The following GLE1 variants were observed in gnomAD, a reference collection of about 807,000 sequenced individuals.
GLE1 encodes GLE1 RNA export mediator.
In GLE1, 78 loss-of-function variants were observed where a neutral mutation model predicts 97.3. That is an observed-to-expected ratio of 0.80 (90% CI 0.67 to 0.97). The LOEUF is 0.97. Among genes scored for constraint, GLE1 ranks in the 50% least tolerant of loss-of-function variants. GLE1 has a pLI of 0.00. For synonymous variants in GLE1, 302 were observed against 313.4 expected (o/e 0.96, Z 0.39); for missense variants, 753 against 857.5 (o/e 0.88, Z 1.52).
rs1452598737 is a variant in GLE1 at position 128,536,489 on chromosome 9, G to A, written c.1776+5G>A. 1.2e-6 allele frequency: 2 copies of A among 1,612,474 alleles called. No homozygotes were observed. The highest frequency in any genetic ancestry group is 1.7e-6 in the Non-Finnish European group (2 of 1,178,580). ...CCATATGGAAACCGACAGGAGGTAG[G>A]TAAAAGAGGCTTACTGTCAATAATG... On this transcript the variant is annotated splice_donor_5th_base_variant and intron_variant, in intron 12 of 15. Coordinates refer to ENST00000309971, the MANE Select transcript of GLE1 (RefSeq NM_001003722.2).
intron 2 of GLE1, among the ~76,000 whole-genome samples, chr9:128,515,045 T>C (rs1267957721): frequency 1.3e-5 from 2 of 152,152 alleles, no homozygotes; most frequent in Admixed American, 6.5e-5. Flanking sequence ...GGTCTCGAAC[T>C]CCTGACTTTG....
At chr9:128,540,140 CA>C (rs1847841926) in intron 14 of GLE1, 134 bp from the exon 15 acceptor site, 1 of 727,398 alleles carries the variant, frequency 1.4e-6, no homozygotes, top group African/African-American at 1.7e-5. Flanking sequence ...CGCTTGAGCC[CA>C]AGAGTTCAAG....
chr9:128,523,981 C>A, intron 6 of GLE1, 135 bp downstream of exon 6: 1 of 793,046 alleles, frequency 1.3e-6, no homozygotes, highest in South Asian at 1.6e-5. Context: ...TTGTTATCTC[C>A]ATATCTCTTT....
chr9:128,536,589 A>G, intron 12 of GLE1, 105 bp downstream of exon 12: 1 of 1,032,978 alleles, frequency 9.7e-7, no homozygotes, highest in Non-Finnish European at 1.5e-6. Flanking sequence ...CAGTCTAGTT[A>G]AAGGATAAAC....
intron 3 of GLE1, among the ~76,000 whole-genome samples, chr9:128,521,321 A>T (rs974017152): frequency 2.6e-5 from 4 of 152,040 alleles, no homozygotes; most frequent in African/African-American, 9.7e-5. Context: ...ATAGCTTGAG[A>T]TCGGGAGCTC....
At chr9:128,518,193 T>C (rs958168723) in intron 3 of GLE1, among the ~76,000 whole-genome samples, 39 of 151,946 alleles carry the variant, frequency 2.6e-4, no homozygotes, top group African/African-American at 9.2e-4. Flanking sequence ...GTCACGGTAG[T>C]CATAAAGTCC....
chr9:128,511,720 AT>A (rs1306177804), intron 2 of GLE1, among the ~76,000 whole-genome samples: 1 of 151,880 alleles, frequency 6.6e-6, no homozygotes, highest in Non-Finnish European at 1.5e-5. Context: ...AAAAAAAAAA[AT>A]TAACGTGATC....
intron 3 of GLE1, among the ~76,000 whole-genome samples, chr9:128,518,597 T>C (rs1847051877): frequency 2.6e-5 from 4 of 151,234 alleles, no homozygotes; most frequent in Admixed American, 2.6e-4. Context: ...TAGCTGGACA[T>C]GGTGGCTTGC....
At chr9:128,512,058 A>C (rs1220359266) in intron 2 of GLE1, among the ~76,000 whole-genome samples, 1 of 152,102 alleles carries the variant, frequency 6.6e-6, no homozygotes, top group Admixed American at 6.6e-5. Context: ...GATCTGCCCA[A>C]CTTGGCCTCC....
In GLE1 at chr9:128,541,136, A is replaced by G. The variant is rs140144870; in HGVS notation, c.2063A>G (p.Lys688Arg). The change falls in exon 16 of 16, where the codon AAG becomes AGG. Residue 688 changes from lysine to arginine, a missense_variant. Physicochemically the swap from Lys to Arg is conservative, Grantham distance 26. Coordinates refer to ENST00000309971, the MANE Select transcript of GLE1 (RefSeq NM_001003722.2). ...CLQHKDIPVP[K>R]GFLTSSFWRS is the part of the protein sequence containing the mutation. ...CAACACAAGGACATTCCTGTCCCCA[A>G]GGGCTTTCTGACTTCCTCCTTCTGG... 6.3e-6 allele frequency: 10 copies of G among 1,595,774 alleles called. No individual in the cohort carries two copies. In the South Asian group the frequency reaches 7.7e-5, roughly 12 times the overall value.
At chr9:128,528,076 C>A (rs1387864562) in intron 9 of GLE1, among the ~76,000 whole-genome samples, 1 of 145,988 alleles carries the variant, frequency 6.8e-6, no homozygotes, top group Non-Finnish European at 1.5e-5. Flanking sequence ...CTCGGCTCAC[C>A]GCAAGCTCCG....
rs150322616 is a variant in GLE1, at chr9:128,536,583, C to G, written c.1776+99C>G. On this transcript the variant is annotated intron_variant, in intron 12 of 15. Transcript: ENST00000309971. ...GTTGGCCTTCTTTCAGAGAGCCAGT[C>G]TAGTTAAAGGATAAACTATATGGCA... 1.1e-5 allele frequency: 12 copies of G among 1,064,044 alleles called. No individual in the cohort carries two copies. In the African/African-American group the frequency reaches 1.6e-4, roughly 14 times the overall value. The allele number at this position is 1,064,044 out of a possible 1,614,324, so 65.9% of individuals were successfully genotyped here.
intron 1 of GLE1, 22 bp downstream of exon 1, chr9:128,504,926 C>G (rs367898499): frequency 2.0e-6 from 3 of 1,521,394 alleles, no homozygotes; most frequent in Non-Finnish European, 2.7e-6. Context: ...CCCCGGAGGA[C>G]GTAGGCCTTT....
At chr9:128,505,557 G>A (rs935560450) in intron 1 of GLE1, among the ~76,000 whole-genome samples, 2 of 152,158 alleles carry the variant, frequency 1.3e-5, no homozygotes, top group African/African-American at 2.4e-5. Context: ...ACATTCTGTA[G>A]GTTGACTGCC....
chr9:128,541,877 TTTTTTG>T lies in GLE1; in HGVS notation c.*718_*723del, dbSNP rs1038923939. ...GGGATCCATGAACCAGGCAGGTACC[TTTTTTG>T]TTTTTGTTTTGTTTTGTTTCTTTTC... On this transcript the variant is annotated 3_prime_UTR_variant, in exon 16 of 16. Coordinates refer to ENST00000309971, the MANE Select transcript of GLE1 (RefSeq NM_001003722.2). 6.6e-6 allele frequency: 1 copy of T among 152,278 alleles called. No homozygotes were observed. The highest frequency in any genetic ancestry group is 1.5e-5 in the Non-Finnish European group (1 of 68,094). 9.4% of individuals were successfully genotyped at this position (152,278 alleles called of 1,614,324 possible). A position where few individuals can be genotyped will look rare whatever the true frequency, so the allele number is the denominator to read the frequency against.
At chr9:128,532,261 G>C (rs1847541156) in intron 9 of GLE1, among the ~76,000 whole-genome samples, 1 of 92,632 alleles carries the variant, frequency 1.1e-5, no homozygotes, top group African/African-American at 4.4e-5. Flanking sequence ...GTCTTGCTTT[G>C]TCACCCAGGC....
chr9:128,530,164 G>T lies in GLE1; in HGVS notation c.1312+2639G>T, dbSNP rs544761177. ...ACAGGGCTTCAAACATTACCTGAATGCTGATGACTCCCAAACCTACCTCTG... is the reference window on the plus strand; with the variant it reads ...ACAGGGCTTCAAACATTACCTGAATTCTGATGACTCCCAAACCTACCTCTG... On this transcript the variant is annotated intron_variant, in intron 9 of 15. Coordinates refer to ENST00000309971, the MANE Select transcript of GLE1 (RefSeq NM_001003722.2). Among the ~76,000 whole-genome samples, 3 of 152,260 alleles carry T rather than the reference G, an allele frequency of 2.0e-5. No homozygotes were observed. In the South Asian group the frequency reaches 6.2e-4, roughly 32 times the overall value.
intron 14 of GLE1, 142 bp from the exon 15 acceptor site, chr9:128,540,133 T>C: frequency 1.4e-6 from 1 of 717,252 alleles, no homozygotes; most frequent in East Asian, 2.7e-5. Context: ...GGAGGATCGC[T>C]TGAGCCCAAG....
chr9:128,518,131 T>TA (rs887874065), intron 3 of GLE1, among the ~76,000 whole-genome samples: 12 of 150,472 alleles, frequency 8.0e-5, no homozygotes, highest in African/African-American at 2.4e-4. Context: ...TTCATTTTCT[T>TA]AAAAAAAACT....
Sources: allele counts gnomAD v4.1 joint callset (sites outside exome capture counted in the v4.1 genomes callset), GRCh38; gene constraint gnomAD v4.1.1; transcripts MANE v1.5; gene names NCBI Gene and HGNC (gene_info 2026-07-23, HGNC 2026-07-21).